Variants in GRIP2 observed in about 807,000 individuals in gnomAD.
The protein encoded by GRIP2 is glutamate receptor interacting protein 2.
In GRIP2, 58 loss-of-function variants were observed where a neutral mutation model predicts 108.3. The observed-to-expected ratio is 0.54, with a 90% CI of 0.43 to 0.67. GRIP2 has a LOEUF of 0.67. GRIP2 is among the 30% of genes least tolerant of loss of function. GRIP2 has a pLI of 0.00. For synonymous variants in GRIP2, 586 were observed against 598.2 expected, an observed-to-expected ratio of 0.98 and a Z score of 0.30; for missense variants, 1,278 against 1,430.6, an observed-to-expected ratio of 0.89 and a Z score of 1.72.
chr3:14,524,139 C>T (rs755079045), intron 4 of GRIP2: 5 of 564,882 alleles, frequency 8.9e-6, no homozygotes, highest in East Asian at 3.0e-5. Context: ...CCAAAACCCT[C>T]CCCGCTAAAG....
intron 1 of GRIP2, chr3:14,555,885 C>T: frequency 2.5e-6 from 1 of 399,344 alleles, no homozygotes. Context: ...GCCCTCCACC[C>T]AGACTCACCG....
At chr3:14,592,679 A>T in the GRIP2 span, among the ~76,000 whole-genome samples, 3 of 152,126 alleles carry the variant, frequency 2.0e-5, no homozygotes, top group Non-Finnish European at 4.4e-5. Context: ...CAGGCACCCA[A>T]CAAGCCACGC....
At chr3:14,589,781 T>TC in the GRIP2 span, among the ~76,000 whole-genome samples, 4 of 146,140 alleles carry the variant, frequency 2.7e-5, no homozygotes, top group Non-Finnish European at 6.1e-5. Context: ...AGACTACACT[T>TC]TTTTTTTTTT....
chr3:14,548,451 C>T (rs1432183970), intron 1 of GRIP2, among the ~76,000 whole-genome samples: 2 of 152,080 alleles, frequency 1.3e-5, no homozygotes, highest in Non-Finnish European at 2.9e-5. Context: ...GTTGATGCAG[C>T]GACTCCCCCT....
At chr3:14,594,331 G>A in the GRIP2 span, among the ~76,000 whole-genome samples, 1 of 152,216 alleles carries the variant, frequency 6.6e-6, no homozygotes, top group South Asian at 2.1e-4. Context: ...CCCGGGCTCT[G>A]GGGATATGGA....
chr3:14,600,395 T>C, the GRIP2 span, among the ~76,000 whole-genome samples: 1 of 152,162 alleles, frequency 6.6e-6, no homozygotes, highest in Non-Finnish European at 1.5e-5. Flanking sequence ...TGAAAGCAAC[T>C]GAAGCTCAGA....
rs1693485739 is a variant in GRIP2, at chr3:14,493,826, C to A, written c.2971G>T (p.Val991Phe). 1 of 1,610,588 alleles carries A rather than the reference C, an allele frequency of 6.2e-7. No individual in the cohort carries two copies. The highest frequency in any genetic ancestry group is 1.3e-5 in the African/African-American group (1 of 74,866). The change falls in exon 24 of 24, where the codon GTC (valine) becomes TTC (phenylalanine). Residue 991 changes from valine to phenylalanine, a missense_variant and splice_region_variant. Coordinates refer to ENST00000621039, the MANE Select transcript of GRIP2 (RefSeq NM_001080423.4). ...AAGTCCCGTGTACGGACGTGGTTGACCTGCATGGGGCACAAGCAAGGGAAC... is the reference window on the plus strand; with the variant it reads ...AAGTCCCGTGTACGGACGTGGTTGAACTGCATGGGGCACAAGCAAGGGAAC... ...GLQPFDRVLQ[V>F]NHVRTRDFDC... is the part of the protein sequence containing the mutation.
chr3:14,601,062 T>TCA, the GRIP2 span, among the ~76,000 whole-genome samples: 2 of 143,878 alleles, frequency 1.4e-5, no homozygotes, highest in South Asian at 2.2e-4. Flanking sequence ...CCCATCTCTC[T>TCA]CTCTCACACA....
Position 14,506,917 on chromosome 3 carries a change from G to T in GRIP2, c.2282C>A (p.Ala761Glu), listed in dbSNP as rs200789920. ...TGGCAGGCCTCCTTTCAGGGCATCT[G>T]CTGGGTCCTCATCAGCATCACTGGT... ...SETSDADEDP[A>E]DALKGGLPAA... is the part of the protein sequence containing the mutation. Residue 761 changes from alanine (A) to glutamate (E), a missense_variant, in exon 19 of 24, where the codon GCA becomes GAA. Physicochemically the swap from Ala to Glu is moderately radical, Grantham distance 107. Transcript: ENST00000621039. 3.5e-4 allele frequency: 563 copies of T among 1,607,004 alleles called. 3 individuals carry two copies. The highest frequency in any genetic ancestry group is 9.8e-4 in the South Asian group (88 of 89,486).
At chr3:14,530,227 T>A (rs553869750) in intron 1 of GRIP2, among the ~76,000 whole-genome samples, 1 of 150,706 alleles carries the variant, frequency 6.6e-6, no homozygotes, top group African/African-American at 2.5e-5. Context: ...CCTGGCTTTA[T>A]GCCGGGGTCT....
At chr3:14,494,283 T>C (rs542037069) in intron 23 of GRIP2, among the ~76,000 whole-genome samples, 86 of 152,352 alleles carry the variant, frequency 5.6e-4, no homozygotes, top group African/African-American at 2.0e-3. Flanking sequence ...GCCATCAATT[T>C]AGAGAAAACA....
At chr3:14,546,076 T>C (rs1438300985), upstream of GRIP2, among the ~76,000 whole-genome samples, 1 of 152,160 alleles carries the variant, frequency 6.6e-6, no homozygotes, top group Non-Finnish European at 1.5e-5. Flanking sequence ...GTAGGCGACC[T>C]TTAAGCTGAG....
chr3:14,524,906 TTG>T (rs1256220649), intron 3 of GRIP2, among the ~76,000 whole-genome samples: 2 of 152,178 alleles, frequency 1.3e-5, no homozygotes, highest in African/African-American at 4.8e-5. Flanking sequence ...TGCACCAGCA[TTG>T]TGTGAGGCCC....
chr3:14,496,486 G>A lies in GRIP2; in HGVS notation c.2754C>T (p.Gly918=). Residue 918 remains glycine (G), a synonymous_variant, in exon 22 of 24, where the codon GGC becomes GGT. Transcript: ENST00000621039. ...GRPGHRPWQR[G]REVRASPAEM... ...CTGCAGGAGAGGCTCGTACCTCCCG[G>A]CCCCTCTGCCAAGGCCGGTGGCCAG... 1.2e-6 allele frequency: 2 copies of A among 1,611,854 alleles called. No individual in the cohort carries two copies. Among genetic ancestry groups the A allele is most frequent in the Non-Finnish European group, 1.7e-6 (2 of 1,179,262 alleles).
intron 23 of GRIP2, among the ~76,000 whole-genome samples, chr3:14,494,111 TC>T (rs1693502345): frequency 6.6e-6 from 1 of 152,224 alleles, no homozygotes; most frequent in Admixed American, 6.5e-5. Context: ...GACCACACAC[TC>T]AGAGAGCCTC....
rs190632716 is a variant in GRIP2 at position 14,510,484 on chromosome 3, C to G, written c.1934-520G>C. 3.0e-3 allele frequency among the ~76,000 whole-genome samples: 460 copies of G among 152,042 alleles called. 2 individuals are homozygous for G. The highest frequency in any genetic ancestry group is 5.4e-3 in the Non-Finnish European group (366 of 67,980). On this transcript the variant is annotated intron_variant, in intron 16 of 23. Coordinates refer to ENST00000621039, the MANE Select transcript of GRIP2 (RefSeq NM_001080423.4). Reference sequence around the variant, plus strand: ...TTCGCCATGTTGCCCAGGCTGGTCTCGAACTCCTGGGCTTAAGTGCTCCAC... The same window carrying G: ...TTCGCCATGTTGCCCAGGCTGGTCTGGAACTCCTGGGCTTAAGTGCTCCAC...
chr3:14,542,045 C>T (rs1322695343), upstream of GRIP2: 2 of 1,353,202 alleles, frequency 1.5e-6, no homozygotes, highest in Non-Finnish European at 2.0e-6. Flanking sequence ...CCATTCCCTC[C>T]ATCTACAGCC....
chr3:14,570,263 G>C, the GRIP2 span, among the ~76,000 whole-genome samples: 1 of 152,322 alleles, frequency 6.6e-6, no homozygotes, highest in South Asian at 2.1e-4. Flanking sequence ...GGTCTTCAGA[G>C]CATGTGTGTC....
At chr3:14,564,872 G>A in the GRIP2 span, among the ~76,000 whole-genome samples, 1 of 152,202 alleles carries the variant, frequency 6.6e-6, no homozygotes, top group Non-Finnish European at 1.5e-5. Context: ...GTGGGAATCT[G>A]AATCAGGTGC....
Sources: gnomAD v4.1 joint callset for allele counts (sites outside exome capture counted in the v4.1 genomes callset) on GRCh38, gnomAD v4.1.1 for gene constraint, MANE v1.5 for transcripts, NCBI Gene and HGNC (gene_info 2026-07-23, HGNC 2026-07-21) for gene names.